The following NEK11 variants were observed in gnomAD, a reference collection of about 807,000 sequenced individuals.
NEK11 encodes serine/threonine-protein kinase Nek11.
Under a neutral mutation model 80.7 loss-of-function variants are expected in NEK11, and 72 were observed. That is an observed-to-expected ratio of 0.89 (90% CI 0.74 to 1.08). The LOEUF (loss-of-function observed/expected upper bound fraction) is 1.08, where lower values mean the gene tolerates loss of function less well. Among genes scored for constraint, NEK11 ranks in the 50% least tolerant of loss-of-function variants. NEK11 has a pLI of 0.00. For synonymous variants in NEK11, 251 were observed against 260.7 expected (o/e 0.96, Z 0.36); for missense variants, 764 against 763.6 (o/e 1.00, Z -0.01).
chr3:131,337,443 C>T (rs2097204373), intron 17 of NEK11, among the ~76,000 whole-genome samples: 1 of 149,312 alleles, frequency 6.7e-6, no homozygotes, highest in African/African-American at 2.5e-5. Context: ...GGAAGGGGAA[C>T]ATCACACTCT....
intron 14 of NEK11, among the ~76,000 whole-genome samples, chr3:131,172,467 G>A (rs1686095355): frequency 6.6e-6 from 1 of 152,218 alleles, no homozygotes; most frequent in South Asian, 2.1e-4. Flanking sequence ...ACAAGCACCT[G>A]AAGCTCTTTA....
At chr3:131,122,125 T>A (rs897715737) in intron 5 of NEK11, among the ~76,000 whole-genome samples, 3 of 152,162 alleles carry the variant, frequency 2.0e-5, no homozygotes, top group Non-Finnish European at 2.9e-5. Context: ...TCCTCCCTGT[T>A]GTGTTTTTTC....
At chr3:131,309,571 A>G in intron 17 of NEK11, among the ~76,000 whole-genome samples, 1 of 151,760 alleles carries the variant, frequency 6.6e-6, no homozygotes. Context: ...AAGATTCTTT[A>G]TGAACTGGAA....
At chr3:131,030,656 T>C (rs1456551555) in intron 3 of NEK11, among the ~76,000 whole-genome samples, 1 of 152,236 alleles carries the variant, frequency 6.6e-6, no homozygotes, top group African/African-American at 2.4e-5. Context: ...GTCAGAAAGC[T>C]GTCAGATTAA....
intron 17 of NEK11, among the ~76,000 whole-genome samples, chr3:131,274,047 C>T (rs192927887): frequency 0.012 from 1,762 of 150,626 alleles, 37 homozygotes; most frequent in African/African-American, 0.041. Context: ...CATGCTGGTG[C>T]GCTGCACCCA....
chr3:131,321,357 T>C (rs931036842), intron 17 of NEK11, among the ~76,000 whole-genome samples: 2 of 152,162 alleles, frequency 1.3e-5, no homozygotes, highest in Non-Finnish European at 2.9e-5. Flanking sequence ...TAACTAAAGA[T>C]GGATTAAAGA....
At chr3:131,327,775 C>A (rs923874532) in intron 17 of NEK11, 1 of 150,362 alleles carries the variant, frequency 6.7e-6, no homozygotes, top group African/African-American at 2.4e-5. Context: ...GGGTCTGTGC[C>A]AAATCTCTTT....
At chr3:131,289,709 A>G (rs1221965988) in intron 17 of NEK11, among the ~76,000 whole-genome samples, 1 of 152,316 alleles carries the variant, frequency 6.6e-6, no homozygotes, top group East Asian at 1.9e-4. Context: ...GGTGGTGTAC[A>G]GTTCCAGACC....
intron 11 of NEK11, among the ~76,000 whole-genome samples, chr3:131,163,025 C>T (rs544578595): frequency 2.6e-5 from 4 of 152,044 alleles, no homozygotes; most frequent in African/African-American, 4.8e-5. Context: ...ATGCTCAGGG[C>T]GATGTTGCTG....
chr3:131,287,621 C>T (rs115419196), intron 17 of NEK11, among the ~76,000 whole-genome samples: 3,177 of 152,106 alleles, frequency 0.021, 97 homozygotes, highest in African/African-American at 0.071. Flanking sequence ...TTTAAGGCCC[C>T]GGGGATATCT....
Position 131,174,816 on chromosome 3 carries a change from C to T in NEK11, c.1399+3929C>T, listed in dbSNP as rs558289691. ...AGTGTTTTTTCCAAAGCTGGAATAG[C>T]CTGAGACTCTAGGGCCTGGGTCTAC... On this transcript the variant is annotated intron_variant, in intron 14 of 17. Transcript: ENST00000383366. The T allele has an allele frequency of 4.4e-6, 7 of 1,608,942 alleles. No homozygotes were observed. The African/African-American group carries it at 8.0e-5, about 18-fold the overall frequency.
rs78380513 is a variant in NEK11 at position 131,145,389 on chromosome 3, A to G, written c.648-6999A>G. ...CCAGAAAGGTGATCAATTCACTGTT[A>G]ATAGACCACTAAGCCCTCTTTCCTT... On this transcript the variant is annotated intron_variant, in intron 7 of 17. Transcript: ENST00000383366. 4.4e-3 allele frequency among the ~76,000 whole-genome samples: 664 copies of G among 152,230 alleles called. 4 individuals are homozygous for G. The highest frequency in any genetic ancestry group is 0.014 in the African/African-American group (600 of 41,554).
chr3:131,296,813 C>T (rs939163746), intron 17 of NEK11, among the ~76,000 whole-genome samples: 2 of 151,454 alleles, frequency 1.3e-5, no homozygotes, highest in Non-Finnish European at 2.9e-5. Flanking sequence ...CCTCCCCACT[C>T]CCCCCACCCC....
chr3:131,149,948 T>C (rs1348065508), intron 7 of NEK11, among the ~76,000 whole-genome samples: 1 of 152,064 alleles, frequency 6.6e-6, no homozygotes, highest in Non-Finnish European at 1.5e-5. Context: ...AGTTTTTTTG[T>C]AATATATGCA....
At chr3:131,224,847 G>T (rs1017179162) in intron 14 of NEK11, among the ~76,000 whole-genome samples, 1 of 152,194 alleles carries the variant, frequency 6.6e-6, no homozygotes, top group Non-Finnish European at 1.5e-5. Context: ...CTCCTAGTTA[G>T]GAGAGATATG....
At chr3:131,302,631 T>C (rs181881872) in intron 17 of NEK11, among the ~76,000 whole-genome samples, 3 of 152,318 alleles carry the variant, frequency 2.0e-5, no homozygotes, top group East Asian at 1.9e-4. Context: ...CAGGAGAAGA[T>C]TGTTTAATTT....
intron 17 of NEK11, among the ~76,000 whole-genome samples, chr3:131,319,065 T>TA (rs1354664287): frequency 6.6e-6 from 1 of 152,060 alleles, no homozygotes; most frequent in Non-Finnish European, 1.5e-5. Context: ...AACTTTTTTT[T>TA]ACCTAATGCT....
chr3:131,081,106 T>C (rs1402680246), intron 4 of NEK11, among the ~76,000 whole-genome samples: 2 of 151,982 alleles, frequency 1.3e-5, no homozygotes, highest in East Asian at 3.9e-4. Flanking sequence ...TGAGACCCTA[T>C]CTCTAAGAAA....
At chr3:131,033,016 A>T (rs2065100894) in intron 3 of NEK11, among the ~76,000 whole-genome samples, 1 of 152,228 alleles carries the variant, frequency 6.6e-6, no homozygotes, top group Non-Finnish European at 1.5e-5. Context: ...CATGTAATTT[A>T]AAAAACTTAT....
Sources: gnomAD v4.1 joint callset for allele counts (sites outside exome capture counted in the v4.1 genomes callset) on GRCh38, gnomAD v4.1.1 for gene constraint, MANE v1.5 for transcripts, NCBI Gene and HGNC (gene_info 2026-07-23, HGNC 2026-07-21) for gene names.